SDC3: variants seen among roughly 807,000 people sequenced by gnomAD.
SDC3 encodes syndecan-3.
A neutral mutation model predicts 24.4 loss-of-function variants in SDC3; 13 were observed. The observed-to-expected ratio is 0.53, with a 90% confidence interval of 0.35 to 0.85. The LOEUF is 0.85. Among genes scored for constraint, SDC3 ranks in the 40% least tolerant of loss-of-function variants. The pLI is 0.01. For missense variants in SDC3, 571 were observed against 584.5 expected (o/e 0.98, Z 0.24); for synonymous variants, 295 against 260.9 (o/e 1.13, Z -1.26).
chr1:30,876,953 T>C lies in SDC3; in HGVS notation c.469A>G (p.Thr157Ala), dbSNP rs1232600972. ...EVPEEPSQRA[T>A]TVSTTMATTA... is the part of the protein sequence containing the mutation. Reference sequence around the variant, plus strand: ...GTAGCCATGGTAGTGGAGACGGTGGTGGCTCTCTGGCTGGGCTCTTCCGGG... The same window carrying C: ...GTAGCCATGGTAGTGGAGACGGTGGCGGCTCTCTGGCTGGGCTCTTCCGGG... The change falls in exon 3 of 5, where the codon ACC (threonine) becomes GCC (alanine). Residue 157 changes from threonine to alanine, a missense_variant. Physicochemically the swap from Thr to Ala is moderately conservative, Grantham distance 58. Around this residue, in one of 2 missense-constraint regions of SDC3, gnomAD observed 497 missense variants for 471.6 expected, o/e 1.05. Transcript: ENST00000339394. The C allele has an allele frequency of 2.5e-6, 4 of 1,613,574 alleles. No individual in the cohort carries two copies. Among genetic ancestry groups the C allele is most frequent in the Non-Finnish European group, 3.4e-6 (4 of 1,179,938 alleles).
chr1:30,878,888 G>A, intron 1 of SDC3, 148 bp from the exon 2 acceptor site: 1 of 655,514 alleles, frequency 1.5e-6, no homozygotes, highest in South Asian at 1.8e-5. Context: ...AAGTGCGTGT[G>A]TGAATAATTC....
intron 2 of SDC3, chr1:30,877,718 A>C: frequency 6.4e-6 from 1 of 156,758 alleles, no homozygotes; most frequent in Non-Finnish European, 1.4e-5. Context: ...AGGAAATGAG[A>C]TGGGGAGTAG....
rs1431689092 is a variant in SDC3, at chr1:30,873,081, C to A, written c.*130G>T. 2 of 722,126 alleles carry A rather than the reference C, an allele frequency of 2.8e-6. No homozygotes were observed. The highest frequency in any genetic ancestry group is 1.8e-5 in the African/African-American group (1 of 56,910). 44.7% of individuals were successfully genotyped at this position (722,126 alleles called of 1,614,324 possible). A position where few individuals can be genotyped will look rare whatever the true frequency, so the allele number is the denominator to read the frequency against. ...GTGTGAGGCTGGCAGCCTGGGCAGA[C>A]CTTGGGAGAGAGGGCAGAGAAGAAC... On this transcript the variant is annotated 3_prime_UTR_variant, in exon 5 of 5. Transcript: ENST00000339394.
chr1:30,894,193 G>A (rs935716422), intron 1 of SDC3, among the ~76,000 whole-genome samples: 8 of 151,188 alleles, frequency 5.3e-5, no homozygotes, highest in Admixed American at 6.6e-5. Flanking sequence ...GTAAGAGTGC[G>A]TGTGTGTGCA....
chr1:30,877,085 C>A lies in SDC3; in HGVS notation c.337G>T (p.Val113Leu). The part of the protein sequence containing the change: ...VALAVSTTPA[V>L]LPTTNIQPVG... ...GGCTGGATGTTCGTGGTGGGCAGCA[C>A]CGCAGGTGTGGTGGACACCGCCAGG... Residue 113 changes from valine to leucine, a missense_variant, in exon 3 of 5, where the codon GTG (valine) becomes TTG (leucine). Physicochemically the swap from Val to Leu is conservative, Grantham distance 32. Coordinates refer to ENST00000339394, the MANE Select transcript of SDC3 (RefSeq NM_014654.4). 6.2e-7 allele frequency: 1 copy of A among 1,613,812 alleles called. No individual in the cohort carries two copies. Among genetic ancestry groups the A allele is most frequent in the Non-Finnish European group, 8.5e-7 (1 of 1,179,980 alleles).
chr1:30,880,458 C>G (rs551242878), intron 1 of SDC3: 1 of 152,276 alleles, frequency 6.6e-6, no homozygotes, highest in Non-Finnish European at 1.5e-5. Context: ...AATTTAGCCT[C>G]ATGCTGATGA....
At chr1:30,878,547 C>G in intron 2 of SDC3, 76 bp downstream of exon 2, 2 of 1,218,204 alleles carry the variant, frequency 1.6e-6, no homozygotes, top group Non-Finnish European at 2.4e-6. Context: ...GCAAGCCCCC[C>G]GTGGGCTTCT....
chr1:30,869,910 G>T lies in SDC3; in HGVS notation c.*3301C>A, dbSNP rs918492323. On this transcript the variant is annotated 3_prime_UTR_variant, in exon 5 of 5. Transcript: ENST00000339394. Reference sequence around the variant, plus strand: ...ACGCTGAGGCCAGGGTCACTGTGGTGCCAGGCAGGCACCTGGGGGATGCTG... The same window carrying T: ...ACGCTGAGGCCAGGGTCACTGTGGTTCCAGGCAGGCACCTGGGGGATGCTG... The T allele has an allele frequency of 5.0e-6, 2 of 398,506 alleles. No individual in the cohort carries two copies. Among genetic ancestry groups the T allele is most frequent in the Admixed American group, 8.8e-5 (2 of 22,710 alleles). 24.7% of individuals were successfully genotyped at this position (398,506 alleles called of 1,614,324 possible).
intron 4 of SDC3, 85 bp downstream of exon 4, chr1:30,874,212 G>T: frequency 8.7e-7 from 1 of 1,153,778 alleles, no homozygotes; most frequent in Non-Finnish European, 1.2e-6. Flanking sequence ...TCCTTTCTGG[G>T]TTCCTAGAGG....
Position 30,873,010 on chromosome 1 carries a change from C to G in SDC3, c.*201G>C, listed in dbSNP as rs1569985566. Reference sequence around the variant, plus strand: ...AACAAGAGATGAGCTCGTAAGGGCACAGTCTGGGGCAGATGGCAGCAGCCC... The same window carrying G: ...AACAAGAGATGAGCTCGTAAGGGCAGAGTCTGGGGCAGATGGCAGCAGCCC... On this transcript the variant is annotated 3_prime_UTR_variant, in exon 5 of 5. Transcript: ENST00000339394. 1.2e-5 allele frequency: 7 copies of G among 580,920 alleles called. No individual in the cohort carries two copies. Among genetic ancestry groups the G allele is most frequent in the South Asian group, 8.7e-5 (4 of 45,876 alleles). The allele number at this position is 580,920 out of a possible 1,614,324, so 36.0% of individuals were successfully genotyped here.
intron 1 of SDC3, among the ~76,000 whole-genome samples, chr1:30,907,305 T>A (rs1209659516): frequency 6.6e-6 from 1 of 152,174 alleles, no homozygotes; most frequent in African/African-American, 2.4e-5. Context: ...CAAAGGGGGA[T>A]GAGGTCCTTC....
intron 3 of SDC3, 47 bp from the exon 4 acceptor site, chr1:30,874,635 T>A (rs1489731798): frequency 2.6e-6 from 4 of 1,560,296 alleles, no homozygotes; most frequent in African/African-American, 1.4e-5. Context: ...CATGCATGCA[T>A]AACCCCCCAC....
At chr1:30,889,588 T>C (rs984533221) in intron 1 of SDC3, among the ~76,000 whole-genome samples, 2 of 152,184 alleles carry the variant, frequency 1.3e-5, no homozygotes, top group Non-Finnish European at 2.9e-5. Context: ...AAGGGATAAA[T>C]TCCCTTCCCA....
chr1:30,908,816 C>G (rs1638592032), upstream of SDC3: 1 of 131,460 alleles, frequency 7.6e-6, no homozygotes, highest in South Asian at 2.2e-4. Flanking sequence ...CCGCCCCCAG[C>G]GCGGGCGGAA....
intron 2 of SDC3, 73 bp from the exon 3 acceptor site, chr1:30,877,238 C>G: frequency 1.9e-6 from 3 of 1,583,102 alleles, no homozygotes; most frequent in Non-Finnish European, 2.6e-6. Flanking sequence ...CCCAGGTAAG[C>G]AATGGCCATC....
chr1:30,908,365 G>T (rs544232364), intron 1 of SDC3, 84 bp downstream of exon 1: 16 of 798,132 alleles, frequency 2.0e-5, no homozygotes, highest in South Asian at 1.7e-4. Flanking sequence ...GGTCCCGGAG[G>T]GGGGGTCGCG....
intron 1 of SDC3, among the ~76,000 whole-genome samples, chr1:30,887,211 G>C (rs752627952): frequency 6.6e-6 from 1 of 151,888 alleles, no homozygotes; most frequent in Non-Finnish European, 1.5e-5. Context: ...ACCAGCAGGT[G>C]CCTCTAGGAG....
rs1208129338 is a variant in SDC3 at position 30,872,027 on chromosome 1, C to T, written c.*1184G>A. Reference sequence around the variant, plus strand: ...GAAAGGCAAGGGCCTGCCTGTTTCCCTCCAGCATTGAGAGCAGGTCATGTG... The same window carrying T: ...GAAAGGCAAGGGCCTGCCTGTTTCCTTCCAGCATTGAGAGCAGGTCATGTG... On this transcript the variant is annotated 3_prime_UTR_variant, in exon 5 of 5. Coordinates refer to ENST00000339394, the MANE Select transcript of SDC3 (RefSeq NM_014654.4). The T allele has an allele frequency of 1.3e-5, 2 of 152,334 alleles. No individual in the cohort carries two copies. The highest frequency in any genetic ancestry group is 2.9e-5 in the Non-Finnish European group (2 of 68,090). The allele number at this position is 152,334 out of a possible 1,614,324, so 9.4% of individuals were successfully genotyped here. A position where few individuals can be genotyped will look rare whatever the true frequency, so the allele number is the denominator to read the frequency against.
chr1:30,907,396 T>C (rs768657752), intron 1 of SDC3, among the ~76,000 whole-genome samples: 3 of 152,174 alleles, frequency 2.0e-5, no homozygotes, highest in Non-Finnish European at 4.4e-5. Context: ...GGTCACCTCA[T>C]ACATACCATC....
Sources: allele counts gnomAD v4.1 joint callset (sites outside exome capture counted in the v4.1 genomes callset), GRCh38; gene constraint gnomAD v4.1.1; regional missense constraint gnomAD v4.1.1; transcripts MANE v1.5; gene names NCBI Gene and HGNC (gene_info 2026-07-23, HGNC 2026-07-21).